TRIM24: variants seen among roughly 807,000 people sequenced by gnomAD.
TRIM24 encodes the protein tripartite motif containing 24.
TRIM24 carries 29 observed loss-of-function variants against 123.9 expected under a neutral mutation model. The observed-to-expected ratio is 0.23, with a 90% CI of 0.17 to 0.32. TRIM24 has a LOEUF of 0.32. Ranked by LOEUF, TRIM24 falls within the 10% of genes least tolerant of loss-of-function variation. The probability of loss-of-function intolerance (pLI) is 1.00; values close to 1 mark genes in which losing one functional copy is unlikely to be tolerated. For missense variants in TRIM24, 932 were observed against 1,295.3 expected (o/e 0.72, Z 4.31); for synonymous variants, 456 against 461.1 (o/e 0.99, Z 0.14).
chr7:138,482,848 T>G (rs1327845565), intron 1 of TRIM24, among the ~76,000 whole-genome samples: 2 of 152,154 alleles, frequency 1.3e-5, no homozygotes, highest in Non-Finnish European at 2.9e-5. Context: ...AGTGATCCTC[T>G]CACTTTGGCC....
At chr7:138,582,645 G>A (rs561912656) in intron 17 of TRIM24, among the ~76,000 whole-genome samples, 17 of 152,122 alleles carry the variant, frequency 1.1e-4, no homozygotes, top group Admixed American at 5.2e-4. Context: ...TCTGAACCCC[G>A]GAGGCGGAGG....
chr7:138,468,746 C>G (rs78818043), intron 1 of TRIM24, among the ~76,000 whole-genome samples: 4,965 of 152,278 alleles, frequency 0.033, 116 homozygotes, highest in Non-Finnish European at 0.049. Flanking sequence ...TTCCCATGGA[C>G]TTGCTCTGCA....
At chr7:138,489,884 T>C (rs1795740626) in intron 1 of TRIM24, among the ~76,000 whole-genome samples, 1 of 152,184 alleles carries the variant, frequency 6.6e-6, no homozygotes, top group Non-Finnish European at 1.5e-5. Flanking sequence ...TTTCCTGAAT[T>C]TGAACGTTGG....
chr7:138,563,484 T>C (rs10239932), intron 9 of TRIM24, among the ~76,000 whole-genome samples: 2,779 of 152,230 alleles, frequency 0.018, 70 homozygotes, highest in African/African-American at 0.061. Flanking sequence ...ACCGTAAGGG[T>C]CACTGCTAAC....
intron 6 of TRIM24, among the ~76,000 whole-genome samples, chr7:138,534,199 G>A (rs1251331281): frequency 6.6e-6 from 1 of 151,956 alleles, no homozygotes; most frequent in Non-Finnish European, 1.5e-5. Flanking sequence ...AGGGTTTTTT[G>A]TGTCTCTATC....
chr7:138,500,420 GAGT>G (rs1563034746), intron 1 of TRIM24, among the ~76,000 whole-genome samples: 1 of 151,906 alleles, frequency 6.6e-6, no homozygotes, highest in Non-Finnish European at 1.5e-5. Flanking sequence ...AAAATTAGTG[GAGT>G]GTGGTGGCAC....
At chr7:138,462,796 G>T (rs2116435939) in intron 1 of TRIM24, among the ~76,000 whole-genome samples, 1 of 152,246 alleles carries the variant, frequency 6.6e-6, no homozygotes, top group South Asian at 2.1e-4. Flanking sequence ...CTTCGCAGTA[G>T]TTTGCTCTGA....
chr7:138,583,861 T>C lies in TRIM24; in HGVS notation c.2805T>C (p.Tyr935=). The C allele has an allele frequency of 6.3e-7, 1 of 1,577,268 alleles. No individual in the cohort carries two copies. The highest frequency in any genetic ancestry group is 8.6e-7 in the Non-Finnish European group (1 of 1,160,226). ...CATTTTTTTAATAGGTGCCTGATTA[T>C]TACAAAATAATTAAAAATCCAATGG... is the stretch of plus-strand genomic sequence containing the variant. ...QDPVPLTVPD[Y]YKIIKNPMDL... Residue 935 remains tyrosine, a synonymous_variant, in exon 18 of 19, where the codon TAT becomes TAC. Coordinates refer to ENST00000343526, the MANE Select transcript of TRIM24 (RefSeq NM_015905.3).
chr7:138,538,423 C>T (rs2116608118), intron 6 of TRIM24, among the ~76,000 whole-genome samples: 1 of 152,260 alleles, frequency 6.6e-6, no homozygotes, highest in African/African-American at 2.4e-5. Flanking sequence ...AGTTAAATCC[C>T]AGAATATGTA....
intron 1 of TRIM24, among the ~76,000 whole-genome samples, chr7:138,496,134 TC>T (rs1421178922): frequency 6.6e-6 from 1 of 152,216 alleles, no homozygotes; most frequent in Non-Finnish European, 1.5e-5. Flanking sequence ...TACAAAATGA[TC>T]CCCTGCTGGG....
At chr7:138,477,731 T>TG (rs1264607802) in intron 1 of TRIM24, among the ~76,000 whole-genome samples, 1 of 152,232 alleles carries the variant, frequency 6.6e-6, no homozygotes, top group East Asian at 1.9e-4. Flanking sequence ...AGCAGATACT[T>TG]GTGGTAATAT....
chr7:138,545,419 T>C (rs540320867), intron 7 of TRIM24: 9 of 456,714 alleles, frequency 2.0e-5, no homozygotes, highest in African/African-American at 1.0e-4. Context: ...AATAAGTAAA[T>C]GGATTGAATA....
intron 1 of TRIM24, among the ~76,000 whole-genome samples, chr7:138,503,890 C>T (rs1181124240): frequency 1.3e-5 from 2 of 152,128 alleles, no homozygotes; most frequent in Admixed American, 6.6e-5. Context: ...ACAAAAGGAG[C>T]ATGTCTGTGT....
chr7:138,502,761 C>A lies in TRIM24; in HGVS notation c.365-1529C>A, dbSNP rs377440369. ...TCTTTCCAGATTTTAAGTATTAATT[C>A]TTTGCCAGTACTGTGTGTTTAGATA... On this transcript the variant is annotated intron_variant, in intron 1 of 18. Coordinates refer to ENST00000343526, the MANE Select transcript of TRIM24 (RefSeq NM_015905.3). 6.7e-4 allele frequency among the ~76,000 whole-genome samples: 102 copies of A among 152,288 alleles called. 2 individuals carry two copies. The South Asian group carries it at 0.021, about 31-fold the overall frequency.
chr7:138,576,365 C>T lies in TRIM24; in HGVS notation c.2015-8C>T, dbSNP rs1797758627. On this transcript the variant is annotated splice_region_variant and splice_polypyrimidine_tract_variant and intron_variant, in intron 12 of 18. Transcript: ENST00000343526. ...CGTTTTATGAATGTATGGTTTCCCCCTCCTCAGGACCTGTTACTATGACTA... is the reference window on the plus strand; with the variant it reads ...CGTTTTATGAATGTATGGTTTCCCCTTCCTCAGGACCTGTTACTATGACTA... The T allele has an allele frequency of 6.2e-7, 1 of 1,611,552 alleles. No homozygotes were observed. The highest frequency in any genetic ancestry group is 8.5e-7 in the Non-Finnish European group (1 of 1,178,246).
intron 1 of TRIM24, among the ~76,000 whole-genome samples, chr7:138,476,832 A>G (rs1795413298): frequency 6.6e-6 from 1 of 152,168 alleles, no homozygotes; most frequent in African/African-American, 2.4e-5. Flanking sequence ...AAAATAATAA[A>G]GTGAGGCGTG....
chr7:138,485,679 T>C (rs1471255793), intron 1 of TRIM24, among the ~76,000 whole-genome samples: 1 of 152,216 alleles, frequency 6.6e-6, no homozygotes, highest in African/African-American at 2.4e-5. Flanking sequence ...ACTCATCCTT[T>C]TTTATGGCTG....
In TRIM24 at chr7:138,579,197, A is replaced by C; in HGVS notation, c.2257-7A>C. On this transcript the variant is annotated splice_region_variant and splice_polypyrimidine_tract_variant and intron_variant, in intron 14 of 18. Transcript: ENST00000343526. ...AGCCAGTTAAATATATTTTTTTTCT[A>C]CTACAGGCCAATTATCCAAGAAGCA... 6.5e-7 allele frequency: 1 copy of C among 1,548,948 alleles called. No individual in the cohort carries two copies. The highest frequency in any genetic ancestry group is 8.7e-7 in the Non-Finnish European group (1 of 1,151,162).
chr7:138,526,018 T>C (rs556493565), intron 5 of TRIM24, among the ~76,000 whole-genome samples: 1 of 152,326 alleles, frequency 6.6e-6, no homozygotes, highest in East Asian at 1.9e-4. Context: ...TTAGGGCACA[T>C]ACTGACATTT....
Sources: gnomAD v4.1 joint callset for allele counts (sites outside exome capture counted in the v4.1 genomes callset) on GRCh38, gnomAD v4.1.1 for gene constraint, MANE v1.5 for transcripts, NCBI Gene and HGNC (gene_info 2026-07-23, HGNC 2026-07-21) for gene names.